Variants in ASB4 observed in about 807,000 individuals in gnomAD.
ASB4 encodes the protein ankyrin repeat and SOCS box containing 4.
In ASB4, 35 loss-of-function variants were observed where a neutral mutation model predicts 38.6. The observed-to-expected ratio is 0.91, with a 90% CI of 0.69 to 1.20. ASB4 has a LOEUF of 1.20. Among genes scored for constraint, ASB4 ranks in the 50% most tolerant of loss-of-function variants. ASB4 has a pLI of 0.00. For synonymous variants in ASB4, 195 were observed against 201.3 expected (o/e 0.97, Z 0.26); for missense variants, 557 against 527.2 (o/e 1.06, Z -0.55).
At chr7:95,513,705 G>A (rs1790517310) in intron 2 of ASB4, among the ~76,000 whole-genome samples, 1 of 152,152 alleles carries the variant, frequency 6.6e-6, no homozygotes, top group Non-Finnish European at 1.5e-5. Context: ...TGAGACTTGT[G>A]TCAGACTTCT....
At chr7:95,505,726 T>C (rs975194202) in intron 2 of ASB4, among the ~76,000 whole-genome samples, 4 of 138,934 alleles carry the variant, frequency 2.9e-5, no homozygotes, top group Admixed American at 2.2e-4. Context: ...CTGTCCCTTA[T>C]GATGTTATAT....
intron 2 of ASB4, among the ~76,000 whole-genome samples, chr7:95,515,359 CTT>C (rs1465658268): frequency 9.9e-6 from 1 of 101,484 alleles, no homozygotes; most frequent in Non-Finnish European, 2.1e-5. Flanking sequence ...CTTTTTCTTT[CTT>C]TCTTTTCTTT....
At chr7:95,550,998 A>C in the ASB4 span, among the ~76,000 whole-genome samples, 1 of 152,178 alleles carries the variant, frequency 6.6e-6, no homozygotes, top group Non-Finnish European at 1.5e-5. Flanking sequence ...ATGCGTTTTT[A>C]AATAAAAGTC....
upstream of ASB4, among the ~76,000 whole-genome samples, chr7:95,476,381 C>T (rs764751050): frequency 6.6e-6 from 1 of 152,124 alleles, no homozygotes; most frequent in Non-Finnish European, 1.5e-5. Context: ...AGGTGACTGA[C>T]ATTCTTTTTT....
At chr7:95,546,687 C>A in the ASB4 span, among the ~76,000 whole-genome samples, 1 of 152,166 alleles carries the variant, frequency 6.6e-6, no homozygotes, top group East Asian at 1.9e-4. Flanking sequence ...AGGTGAAATA[C>A]ATTTGTCATC....
At chr7:95,492,246 C>T (rs1348819045) in intron 1 of ASB4, among the ~76,000 whole-genome samples, 1 of 152,142 alleles carries the variant, frequency 6.6e-6, no homozygotes, top group African/African-American at 2.4e-5. Context: ...GGATGACTGA[C>T]TCACATAATA....
At chr7:95,494,373 C>T (rs1172583725) in intron 1 of ASB4, among the ~76,000 whole-genome samples, 1 of 152,156 alleles carries the variant, frequency 6.6e-6, no homozygotes, top group African/African-American at 2.4e-5. Flanking sequence ...AATGTAGTTT[C>T]AGATTGTATT....
intron 2 of ASB4, among the ~76,000 whole-genome samples, chr7:95,512,991 A>G (rs1005964464): frequency 2.0e-5 from 3 of 152,192 alleles, no homozygotes; most frequent in South Asian, 2.1e-4. Context: ...TGGATTATCC[A>G]TGTTGGTCAT....
chr7:95,543,877 A>T (rs935823379), downstream of ASB4: 6 of 152,146 alleles, frequency 3.9e-5, no homozygotes, highest in African/African-American at 1.4e-4. Flanking sequence ...CAACCTTATA[A>T]TTTTTATAGC....
At chr7:95,526,395 C>G (rs1035801986) in intron 2 of ASB4, among the ~76,000 whole-genome samples, 1 of 152,180 alleles carries the variant, frequency 6.6e-6, no homozygotes, top group African/African-American at 2.4e-5. Context: ...GCAGTTGCAC[C>G]CTGCCTCTAC....
chr7:95,517,504 A>G lies in ASB4; in HGVS notation c.488-10309A>G, dbSNP rs952321230. On this transcript the variant is annotated intron_variant, in intron 2 of 4. Coordinates refer to ENST00000325885, the MANE Select transcript of ASB4 (RefSeq NM_016116.3). ...GGAGCAAATGATGATGCCCAAAGTG[A>G]GGCAAAAATTTAGGGAGTGAGAAGA... Among the ~76,000 whole-genome samples the G allele has an allele frequency of 4.6e-5, 7 of 152,286 alleles. 1 individual carries two copies. Among genetic ancestry groups the G allele is most frequent in the Admixed American group, 4.6e-4 (7 of 15,294 alleles).
intron 2 of ASB4, among the ~76,000 whole-genome samples, chr7:95,504,943 T>G (rs1216833040): frequency 6.6e-6 from 1 of 152,162 alleles, no homozygotes; most frequent in Non-Finnish European, 1.5e-5. Flanking sequence ...TAAAGCATGT[T>G]CCACGAAAAA....
Position 95,536,555 on chromosome 7 carries a change from A to ATTCCCTTC in ASB4, c.1092+6_1092+7insTCCCTTCT, listed in dbSNP as rs763887643. 6 of 1,578,540 alleles carry ATTCCCTTC rather than the reference A, an allele frequency of 3.8e-6. No homozygotes were observed. The South Asian group carries it at 6.6e-5, about 17-fold the overall frequency. ...ATCCCCGATGATGACTTGGAGGTAA[A>ATTCCCTTC]TAATCGATTCCCTTCTAATAGTTTT... On this transcript the variant is annotated splice_donor_region_variant and intron_variant, in intron 4 of 4. Transcript: ENST00000325885.
chr7:95,489,611 C>T (rs1351629719), intron 1 of ASB4, among the ~76,000 whole-genome samples: 2 of 152,108 alleles, frequency 1.3e-5, no homozygotes, highest in Non-Finnish European at 2.9e-5. Flanking sequence ...GAGAGACCTC[C>T]CTGGGAATGG....
chr7:95,521,326 C>G (rs1790659289), intron 2 of ASB4, among the ~76,000 whole-genome samples: 1 of 151,946 alleles, frequency 6.6e-6, no homozygotes, highest in Non-Finnish European at 1.5e-5. Context: ...GATTCTGTGG[C>G]CTGTAAACAT....
upstream of ASB4, among the ~76,000 whole-genome samples, chr7:95,477,283 T>A (rs1021355139): frequency 6.6e-6 from 1 of 152,216 alleles, no homozygotes. Flanking sequence ...CTTCGTTATT[T>A]GAAGCTGTGT....
intron 2 of ASB4, among the ~76,000 whole-genome samples, chr7:95,516,586 G>A (rs1790585988): frequency 6.6e-6 from 1 of 152,202 alleles, no homozygotes; most frequent in African/African-American, 2.4e-5. Flanking sequence ...ATTTGCTTCA[G>A]GAGACAGGGG....
At chr7:95,515,159 T>C (rs6959226) in intron 2 of ASB4, among the ~76,000 whole-genome samples, 4,918 of 92,638 alleles carry the variant, frequency 0.053, 208 homozygotes, top group African/African-American at 0.12. Flanking sequence ...CTTTCTTTCT[T>C]TCTCTTTCTC....
chr7:95,495,233 T>A (rs539774264), intron 1 of ASB4, among the ~76,000 whole-genome samples: 1 of 152,324 alleles, frequency 6.6e-6, no homozygotes, highest in East Asian at 1.9e-4. Flanking sequence ...CTTGGAGTGA[T>A]AATTTTTTTA....
Sources: gnomAD v4.1 joint callset for allele counts (sites outside exome capture counted in the v4.1 genomes callset) on GRCh38, gnomAD v4.1.1 for gene constraint, MANE v1.5 for transcripts, NCBI Gene and HGNC (gene_info 2026-07-23, HGNC 2026-07-21) for gene names.